Variants in SGCZ observed in about 807,000 individuals in gnomAD.
The protein encoded by SGCZ is sarcoglycan zeta.
In SGCZ, 40 loss-of-function variants were observed where a neutral mutation model predicts 41.3. The observed-to-expected ratio is 0.97, with a 90% CI of 0.75 to 1.26. SGCZ has a LOEUF of 1.26. SGCZ is among the 50% of genes most tolerant of loss of function. SGCZ has a pLI of 0.00. For missense variants in SGCZ, 552 were observed against 369.8 expected (o/e 1.49, Z -4.04); for synonymous variants, 206 against 137.5 (o/e 1.50, Z -3.49).
chr8:14,187,179 G>C (rs1191775051), intron 4 of SGCZ, among the ~76,000 whole-genome samples: 1 of 152,200 alleles, frequency 6.6e-6, no homozygotes, highest in East Asian at 1.9e-4. Flanking sequence ...AATTAATCCA[G>C]TTCATCATTA....
intron 1 of SGCZ, among the ~76,000 whole-genome samples, chr8:14,621,118 A>G (rs36195828): frequency 0.27 from 40,949 of 151,768 alleles, 5,568 homozygotes; most frequent in Non-Finnish European, 0.28. Flanking sequence ...CATAAAAATG[A>G]TGAGCTCATG....
intron 2 of SGCZ, among the ~76,000 whole-genome samples, chr8:14,485,389 A>T (rs1331892148): frequency 6.6e-6 from 1 of 152,024 alleles, no homozygotes; most frequent in East Asian, 1.9e-4. Context: ...GGCGTGCGCC[A>T]CTATGCCAGG....
At chr8:14,679,545 AC>A (rs1428376557) in intron 1 of SGCZ, among the ~76,000 whole-genome samples, 1 of 151,640 alleles carries the variant, frequency 6.6e-6, no homozygotes, top group African/African-American at 2.4e-5. Context: ...TAAAATCATT[AC>A]ATAAAATACT....
intron 1 of SGCZ, among the ~76,000 whole-genome samples, chr8:14,714,552 C>A (rs1471606405): frequency 6.6e-6 from 1 of 152,026 alleles, no homozygotes; most frequent in Non-Finnish European, 1.5e-5. Flanking sequence ...TTCTATTAAA[C>A]CACTCAATTT....
intron 2 of SGCZ, among the ~76,000 whole-genome samples, chr8:14,384,515 A>C (rs982784336): frequency 2.0e-5 from 3 of 152,194 alleles, no homozygotes; most frequent in Non-Finnish European, 4.4e-5. Context: ...TATTTAAAAA[A>C]TAATCCTTTA....
intron 1 of SGCZ, among the ~76,000 whole-genome samples, chr8:14,892,326 C>T (rs1805046150): frequency 6.6e-6 from 1 of 152,100 alleles, no homozygotes. Context: ...ATATTCCTGT[C>T]ACTCAAAAGC....
At chr8:14,165,847 G>A (rs1175223693) in intron 4 of SGCZ, among the ~76,000 whole-genome samples, 3 of 152,054 alleles carry the variant, frequency 2.0e-5, no homozygotes, top group Admixed American at 6.6e-5. Flanking sequence ...AGTAGCACCA[G>A]TAGATGAATA....
intron 1 of SGCZ, among the ~76,000 whole-genome samples, chr8:14,837,353 T>C (rs982275628): frequency 3.3e-5 from 5 of 152,232 alleles, no homozygotes; most frequent in Non-Finnish European, 7.3e-5. Context: ...TGAGATATTC[T>C]ACGAGAAAAC....
intron 2 of SGCZ, among the ~76,000 whole-genome samples, chr8:14,498,858 G>A (rs1802067438): frequency 6.6e-6 from 1 of 150,720 alleles, no homozygotes; most frequent in Middle Eastern, 3.2e-3. Context: ...ACCCTCATAT[G>A]TGTTCCTTTT....
chr8:14,132,197 T>C (rs1480371382), intron 5 of SGCZ, among the ~76,000 whole-genome samples: 1 of 152,180 alleles, frequency 6.6e-6, no homozygotes, highest in Non-Finnish European at 1.5e-5. Context: ...TCTTAAAGTT[T>C]GCTATTTTTT....
At chr8:14,237,181 C>G (rs1806792069) in intron 4 of SGCZ, among the ~76,000 whole-genome samples, 2 of 152,114 alleles carry the variant, frequency 1.3e-5, no homozygotes, top group East Asian at 1.9e-4. Flanking sequence ...TGGTGCATTT[C>G]ATAATTCAAG....
chr8:14,241,648 G>A (rs1181714676), intron 3 of SGCZ, among the ~76,000 whole-genome samples: 1 of 151,664 alleles, frequency 6.6e-6, no homozygotes, highest in Non-Finnish European at 1.5e-5. Context: ...GTTTTCCGAA[G>A]CTGACCCGAA....
chr8:14,617,257 T>A (rs1806134833), intron 1 of SGCZ, among the ~76,000 whole-genome samples: 1 of 152,162 alleles, frequency 6.6e-6, no homozygotes, highest in Admixed American at 6.5e-5. Context: ...TATTTATTTT[T>A]TCAAATCAAA....
In SGCZ at chr8:14,168,954, A is replaced by G. The variant is rs113194676; in HGVS notation, c.425-4252T>C. Among the ~76,000 whole-genome samples, 315 of 152,248 alleles carry G rather than the reference A, an allele frequency of 2.1e-3. 1 individual carries two copies. The highest frequency in any genetic ancestry group is 7.1e-3 in the African/African-American group (297 of 41,574). On this transcript the variant is annotated intron_variant, in intron 4 of 7. Coordinates refer to ENST00000382080, the MANE Select transcript of SGCZ (RefSeq NM_139167.4). ...ATTTAATCCTCATAACAATCATGGG[A>G]GGTGATCCCTATTTGACCGATGAGG... is the stretch of plus-strand genomic sequence containing the variant.
chr8:14,986,957 T>C (rs1366667189), intron 1 of SGCZ, among the ~76,000 whole-genome samples: 1 of 151,924 alleles, frequency 6.6e-6, no homozygotes, highest in African/African-American at 2.4e-5. Flanking sequence ...AGGAGGAGAA[T>C]AAAAATGGCT....
At chr8:14,421,422 C>T (rs1799633746) in intron 2 of SGCZ, among the ~76,000 whole-genome samples, 1 of 152,118 alleles carries the variant, frequency 6.6e-6, no homozygotes, top group Non-Finnish European at 1.5e-5. Context: ...CTGATTAATG[C>T]ATGTATATAC....
chr8:14,279,129 C>A (rs1038678550), intron 3 of SGCZ, among the ~76,000 whole-genome samples: 1 of 151,766 alleles, frequency 6.6e-6, no homozygotes, highest in African/African-American at 2.4e-5. Flanking sequence ...AAATCAGAGC[C>A]GGAGATAAAA....
chr8:14,877,878 T>C (rs968173018), intron 1 of SGCZ, among the ~76,000 whole-genome samples: 1 of 152,176 alleles, frequency 6.6e-6, no homozygotes, highest in Non-Finnish European at 1.5e-5. Flanking sequence ...CTTTCTGTTA[T>C]TACATTTATG....
chr8:15,120,910 A>G (rs1329504095), intron 1 of SGCZ, among the ~76,000 whole-genome samples: 1 of 152,202 alleles, frequency 6.6e-6, no homozygotes, highest in African/African-American at 2.4e-5. Flanking sequence ...TAATCCAAAA[A>G]CAGCCTCTGA....
Sources: gnomAD v4.1 joint callset for allele counts (sites outside exome capture counted in the v4.1 genomes callset) on GRCh38, gnomAD v4.1.1 for gene constraint, MANE v1.5 for transcripts, NCBI Gene and HGNC (gene_info 2026-07-23, HGNC 2026-07-21) for gene names.